The following RAD54L variants were observed in gnomAD, a reference collection of about 807,000 sequenced individuals.
The protein encoded by RAD54L is RAD54 like.
A neutral mutation model predicts 91.6 loss-of-function variants in RAD54L; 74 were observed. The ratio of observed to expected loss-of-function variants is 0.81; its 90% confidence interval spans 0.67 to 0.98. RAD54L has a LOEUF of 0.98. Ranked by LOEUF, RAD54L falls within the 50% of genes least tolerant of loss-of-function variation. The pLI, the probability that RAD54L is intolerant of heterozygous loss-of-function variation, is 0.00. For missense variants in RAD54L, 887 were observed against 945.7 expected (o/e 0.94, Z 0.81); for synonymous variants, 304 against 349.7 (o/e 0.87, Z 1.46).
rs766417899 is a variant in RAD54L at position 46,278,233 on chromosome 1, C to A, written c.2195C>A (p.Thr732Asn). ...TGGGATGCTGCCTCCACTGCCATCA[C>A]CTTCGTCTTCCACCAGCGTTCTCAT... ...AAWDAASTAI[T>N]FVFHQRSHEE... Residue 732 changes from threonine (T) to asparagine (N), a missense_variant, in exon 18 of 18, where the codon ACC becomes AAC. By Grantham distance (65) the Thr-to-Asn change is moderately conservative. Coordinates refer to ENST00000371975, the MANE Select transcript of RAD54L (RefSeq NM_003579.4). 1 of 1,613,918 alleles carries A rather than the reference C, an allele frequency of 6.2e-7. No individual in the cohort carries two copies.
rs754817150 is a variant in RAD54L, at chr1:46,267,525, C to T, written c.958C>T (p.Arg320Trp). The T allele has an allele frequency of 9.9e-6, 16 of 1,613,862 alleles. No homozygotes were observed. The highest frequency in any genetic ancestry group is 5.3e-5 in the African/African-American group (4 of 74,886). ...QALDSLNTSR[R>W]VLISGTPIQN... ...CCTGGACAGCTTGAACACCAGCCGGCGGGTGCTCATCTCCGGAACTCCCAT... is the reference window on the plus strand; with the variant it reads ...CCTGGACAGCTTGAACACCAGCCGGTGGGTGCTCATCTCCGGAACTCCCAT... The change falls in exon 9 of 18, where the codon CGG becomes TGG. Residue 320 changes from arginine (R) to tryptophan (W), a missense_variant. Physicochemically the swap from Arg to Trp is moderately radical, Grantham distance 101. Transcript: ENST00000371975.
intron 3 of RAD54L, among the ~76,000 whole-genome samples, chr1:46,254,173 C>T (rs1557698837): frequency 2.6e-5 from 4 of 152,038 alleles, no homozygotes; most frequent in African/African-American, 4.8e-5. Flanking sequence ...CATGGTTTTA[C>T]CATGTAGGCC....
intron 3 of RAD54L, among the ~76,000 whole-genome samples, chr1:46,257,168 A>T (rs1358626183): frequency 6.6e-6 from 1 of 151,340 alleles, no homozygotes; most frequent in South Asian, 2.1e-4. Flanking sequence ...AAAAAACCCC[A>T]AAAAACAAAT....
At chr1:46,253,550 G>A (rs995096784) in intron 3 of RAD54L, among the ~76,000 whole-genome samples, 9 of 151,844 alleles carry the variant, frequency 5.9e-5, no homozygotes, top group African/African-American at 2.2e-4. Context: ...GGGAGGTGGA[G>A]CTTGCAGTGA....
chr1:46,260,394 A>G, intron 5 of RAD54L, 148 bp from the exon 6 acceptor site: 1 of 917,178 alleles, frequency 1.1e-6, no homozygotes, highest in Non-Finnish European at 1.8e-6. Context: ...TAAAGTAGGA[A>G]CTTGCTATGG....
chr1:46,270,858 T>C, intron 10 of RAD54L, 73 bp downstream of exon 10: 1 of 1,593,800 alleles, frequency 6.3e-7, no homozygotes, highest in Non-Finnish European at 8.6e-7. Context: ...GGGCTTTGCC[T>C]CTCTAGAGCC....
In RAD54L at chr1:46,269,751, G is replaced by A. The variant is rs555980059; in HGVS notation, c.1043-908G>A. Reference sequence around the variant, plus strand: ...GAAAGATCTTTCATTTTTATAATACGGAACCTTCCAATATATTAATATGAT... The same window carrying A: ...GAAAGATCTTTCATTTTTATAATACAGAACCTTCCAATATATTAATATGAT... On this transcript the variant is annotated intron_variant, in intron 9 of 17. Coordinates refer to ENST00000371975, the MANE Select transcript of RAD54L (RefSeq NM_003579.4). 9.2e-5 allele frequency among the ~76,000 whole-genome samples: 14 copies of A among 152,116 alleles called. 2 individuals are homozygous for A. The South Asian group carries it at 2.1e-3, about 23-fold the overall frequency.
Position 46,261,007 on chromosome 1 carries a change from A to G in RAD54L, c.758A>G (p.Gln253Arg). 6.2e-7 allele frequency: 1 copy of G among 1,613,376 alleles called. No homozygotes were observed. The highest frequency in any genetic ancestry group is 8.5e-7 in the Non-Finnish European group (1 of 1,179,910). Residue 253 changes from glutamine (Q) to arginine (R), a missense_variant, in exon 7 of 18, where the codon CAA becomes CGA. By Grantham distance (43) the Gln-to-Arg change is conservative. Transcript: ENST00000371975. ...GGAGGATCTAAGGATGAAATAGACC[A>G]AAAGCTGGGTACGGAGCCCTAACAA... ...IDGGSKDEID[Q>R]KLEGFMNQRG...
At chr1:46,260,287 T>C (rs975444123) in intron 5 of RAD54L, among the ~76,000 whole-genome samples, 188 bp downstream of exon 5, 23 of 152,084 alleles carry the variant, frequency 1.5e-4, no homozygotes, top group African/African-American at 5.1e-4. Context: ...GCATTCCTCA[T>C]CCCCTCCTGC....
intron 8 of RAD54L, among the ~76,000 whole-genome samples, chr1:46,261,633 G>A (rs766127631): frequency 6.6e-6 from 1 of 152,128 alleles, no homozygotes; most frequent in South Asian, 2.1e-4. Flanking sequence ...TGTTGCCTCC[G>A]GATAGTATTC....
chr1:46,277,440 A>G, intron 16 of RAD54L: 3 of 325,482 alleles, frequency 9.2e-6, no homozygotes, highest in South Asian at 8.8e-5. Flanking sequence ...TTTGTATGCT[A>G]ATGTCAGCAC....
chr1:46,267,390 T>G, intron 8 of RAD54L, 69 bp from the exon 9 acceptor site: 3 of 1,606,058 alleles, frequency 1.9e-6, no homozygotes, highest in Non-Finnish European at 2.6e-6. Flanking sequence ...CCTCTTTTCC[T>G]GTCTACATGA....
Position 46,277,812 on chromosome 1 carries a change from C to T in RAD54L, c.1870-5C>T, listed in dbSNP as rs200400064. On this transcript the variant is annotated splice_polypyrimidine_tract_variant and splice_region_variant and intron_variant, in intron 16 of 17. Transcript: ENST00000371975. ...TTTTGACATTCCCCACCTCCTCTTC[C>T]CCAGGCAGGGACCATTGAGGAGAAG... 3.4e-5 allele frequency: 55 copies of T among 1,603,382 alleles called. 1 individual carries two copies. The Middle Eastern group carries it at 1.0e-3, about 29-fold the overall frequency.
rs751998616 is a variant in RAD54L, at chr1:46,272,700, A to G, written c.1273A>G (p.Lys425Glu). Residue 425 changes from lysine (K) to glutamate (E), a missense_variant, in exon 12 of 18, where the codon AAG (lysine) becomes GAG (glutamate). Lys to Glu is a moderately conservative substitution (Grantham distance 56, BLOSUM62 1). Transcript: ENST00000371975. Reference protein sequence around the residue: ...RLTPLQTELYKRFLRQAKPAE... With the variant: ...RLTPLQTELYERFLRQAKPAE... ...GACACCCCTTCAGACTGAGTTATAC[A>G]AGAGGTTTCTGAGACAAGCCAAACC... The G allele has an allele frequency of 2.2e-5, 36 of 1,614,140 alleles. No individual in the cohort carries two copies. The highest frequency in any genetic ancestry group is 4.4e-5 in the South Asian group (4 of 91,078).
chr1:46,261,548 T>C (rs1479419955), intron 8 of RAD54L, 163 bp downstream of exon 8: 18 of 878,252 alleles, frequency 2.0e-5, no homozygotes, highest in East Asian at 5.3e-5. Context: ...AAATACAAGA[T>C]ACTGTCTGCC....
chr1:46,261,045 T>TC (rs770379566), intron 7 of RAD54L, 30 bp downstream of exon 7: 1 of 1,607,482 alleles, frequency 6.2e-7, no homozygotes, highest in African/African-American at 1.3e-5. Context: ...ATGGCTGCAC[T>TC]CTCCTGCACA....
intron 4 of RAD54L, among the ~76,000 whole-genome samples, chr1:46,259,176 C>CT (rs879837565): frequency 9.3e-4 from 134 of 144,676 alleles, no homozygotes; most frequent in Middle Eastern, 3.6e-3. Flanking sequence ...CTCTCTCTCT[C>CT]TTTTTTTTTT....
At chr1:46,270,382 C>T (rs1389643934) in intron 9 of RAD54L, among the ~76,000 whole-genome samples, 3 of 151,984 alleles carry the variant, frequency 2.0e-5, no homozygotes, top group Non-Finnish European at 4.4e-5. Flanking sequence ...AAAATCCACT[C>T]TGGCCATGTT....
chr1:46,256,252 G>A (rs1338776761), intron 3 of RAD54L, among the ~76,000 whole-genome samples: 1 of 151,964 alleles, frequency 6.6e-6, no homozygotes, highest in Admixed American at 6.6e-5. Flanking sequence ...TAAATTTTGT[G>A]TACGGGGTGT....
Sources: gnomAD v4.1 joint callset for allele counts (sites outside exome capture counted in the v4.1 genomes callset) on GRCh38, gnomAD v4.1.1 for gene constraint, MANE v1.5 for transcripts, NCBI Gene and HGNC (gene_info 2026-07-23, HGNC 2026-07-21) for gene names.